SRGAP2B: variants seen among roughly 807,000 people sequenced by gnomAD.
The protein encoded by SRGAP2B is SLIT-ROBO Rho GTPase-activating protein 2B.
In SRGAP2B, 9 loss-of-function variants were observed where a neutral mutation model predicts 22.2. That is an observed-to-expected ratio of 0.41 (90% confidence interval 0.24 to 0.71). The LOEUF is 0.71. Ranked by LOEUF, SRGAP2B falls within the 30% of genes least tolerant of loss-of-function variation. The pLI is 0.35. For synonymous variants in SRGAP2B, 36 were observed against 87.4 expected (o/e 0.41, Z 3.28); for missense variants, 114 against 235.8 (o/e 0.48, Z 3.38).
At chr1:145,031,846 CAAAAAAAAAA>C (rs1210654407) in intron 2 of SRGAP2B, among the ~76,000 whole-genome samples, 2 of 51,696 alleles carry the variant, frequency 3.9e-5, no homozygotes, top group Non-Finnish European at 7.3e-5. Context: ...GACTCCGTCT[CAAAAAAAAAA>C]AAAAAAAAAA....
chr1:145,041,475 G>A (rs1243456114), intron 2 of SRGAP2B, among the ~76,000 whole-genome samples: 2 of 134,682 alleles, frequency 1.5e-5, no homozygotes, highest in Admixed American at 7.4e-5. Context: ...AAACAAGAGT[G>A]AGACCCCATC....
chr1:144,925,549 T>C (rs587739219), intron 4 of SRGAP2B, among the ~76,000 whole-genome samples: 2,476 of 131,168 alleles, frequency 0.019, 88 homozygotes, highest in African/African-American at 0.08. Context: ...GAGGCTGAGG[T>C]GGGAGAACTG....
rs1239095757 is a variant in SRGAP2B at position 145,045,376 on chromosome 1, A to G, written c.67+47459T>C. On this transcript the variant is annotated intron_variant, in intron 2 of 9. Transcript: ENST00000612199. ...AGGAAGTGAGGGAGGGAGGAAAGAA[A>G]ATAAGAAAAGAAAAGAGAAAAGAAT... Among the ~76,000 whole-genome samples, 5 of 145,178 alleles carry G rather than the reference A, an allele frequency of 3.4e-5. No individual in the cohort carries two copies. The East Asian group carries it at 9.9e-4, about 29-fold the overall frequency.
intron 5 of SRGAP2B, among the ~76,000 whole-genome samples, chr1:144,907,144 T>C (rs1489676661): frequency 6.8e-6 from 1 of 148,022 alleles, no homozygotes; most frequent in Non-Finnish European, 1.5e-5. Context: ...TGTGCGTGTG[T>C]GTGTGTGTGT....
chr1:144,966,945 C>T, intron 3 of SRGAP2B, among the ~76,000 whole-genome samples: 1 of 142,518 alleles, frequency 7.0e-6, no homozygotes, highest in Non-Finnish European at 1.5e-5. Context: ...AGCTAACTAT[C>T]CTAAATATAT....
intron 2 of SRGAP2B, among the ~76,000 whole-genome samples, chr1:145,044,187 G>GAT (rs1649481961): frequency 8.0e-6 from 1 of 125,546 alleles, no homozygotes; most frequent in Non-Finnish European, 1.6e-5. Context: ...TATGGTGCAG[G>GAT]ATATAGATCC....
At chr1:145,063,548 AGGCGGCTGAGATTTCCT>A (rs1369070316) in intron 2 of SRGAP2B, among the ~76,000 whole-genome samples, 1 of 149,508 alleles carries the variant, frequency 6.7e-6, no homozygotes, top group Non-Finnish European at 1.5e-5. Flanking sequence ...CCCATGGGCT[AGGCGGCTGAGATTTCCT>A]GTAGAAAGGG....
intron 2 of SRGAP2B, among the ~76,000 whole-genome samples, chr1:145,003,819 T>C (rs1444745835): frequency 5.3e-5 from 8 of 151,490 alleles, no homozygotes; most frequent in African/African-American, 1.7e-4. Flanking sequence ...GAGTGGAAAA[T>C]CCCTGCACAT....
At chr1:145,027,011 A>ATTT (rs4058418) in intron 2 of SRGAP2B, among the ~76,000 whole-genome samples, 7 of 66,894 alleles carry the variant, frequency 1.0e-4, no homozygotes, top group South Asian at 5.1e-4. Context: ...GCTTTTTTTA[A>ATTT]TTTTTTTTTT....
At chr1:145,009,176 CAAA>C (rs375032281) in intron 2 of SRGAP2B, among the ~76,000 whole-genome samples, 1 of 59,456 alleles carries the variant, frequency 1.7e-5, no homozygotes, top group Non-Finnish European at 3.9e-5. Flanking sequence ...GACTCCGTCT[CAAA>C]AAAAAAAAAA....
intron 3 of SRGAP2B, among the ~76,000 whole-genome samples, chr1:144,985,500 AT>A (rs1485199366): frequency 6.6e-6 from 1 of 151,116 alleles, no homozygotes. Flanking sequence ...CAGCAAGTCT[AT>A]TTAAAAAAAA....
chr1:144,940,345 G>A lies in SRGAP2B; in HGVS notation c.423+15094C>T, dbSNP rs1231726978. ...AGGAAGAAAAAGGGAAAGCAGCAGG[G>A]GGAAAAACCCTCTCTCCTTACCTTA... On this transcript the variant is annotated intron_variant, in intron 4 of 9. Transcript: ENST00000612199. Among the ~76,000 whole-genome samples the A allele has an allele frequency of 1.0e-4, 13 of 129,062 alleles. 1 individual carries two copies. The highest frequency in any genetic ancestry group is 6.3e-4 in the Admixed American group (8 of 12,690). The allele number at this position is 129,062 out of a possible 152,430, so 84.7% of individuals were successfully genotyped here.
intron 2 of SRGAP2B, among the ~76,000 whole-genome samples, chr1:144,997,657 G>A (rs1451136068): frequency 6.8e-6 from 1 of 147,734 alleles, no homozygotes; most frequent in Non-Finnish European, 1.5e-5. Context: ...AAAAAGAGAG[G>A]ACAAGGCAAA....
At chr1:144,965,730 T>A (rs1471169224) in intron 3 of SRGAP2B, among the ~76,000 whole-genome samples, 11 of 138,004 alleles carry the variant, frequency 8.0e-5, no homozygotes, top group Non-Finnish European at 1.4e-4. Flanking sequence ...GCAAAGAAGT[T>A]GAAAACTTTG....
chr1:144,951,164 GTTT>G (rs1666828717), intron 4 of SRGAP2B, among the ~76,000 whole-genome samples: 1 of 149,296 alleles, frequency 6.7e-6, no homozygotes, highest in Non-Finnish European at 1.5e-5. Flanking sequence ...TTTGTTTTTT[GTTT>G]TTTGTTTTTT....
At chr1:144,988,638 C>A (rs1669934951) in intron 3 of SRGAP2B, among the ~76,000 whole-genome samples, 1 of 143,624 alleles carries the variant, frequency 7.0e-6, no homozygotes, top group East Asian at 2.1e-4. Flanking sequence ...TCTCCTCTTT[C>A]TCTTCCCTGA....
intron 3 of SRGAP2B, among the ~76,000 whole-genome samples, chr1:144,993,028 G>A (rs2102142652): frequency 6.6e-6 from 1 of 151,610 alleles, no homozygotes; most frequent in South Asian, 2.1e-4. Context: ...CCTGGAACAG[G>A]GAGCACCTGA....
At chr1:145,089,282 T>C (rs1653749309) in intron 2 of SRGAP2B, among the ~76,000 whole-genome samples, 1 of 150,640 alleles carries the variant, frequency 6.6e-6, no homozygotes, top group Admixed American at 6.6e-5. Context: ...AGGCATGAAC[T>C]TTCCAAGGAA....
At chr1:144,955,085 A>C (rs1337919318) in intron 4 of SRGAP2B, among the ~76,000 whole-genome samples, 1 of 150,294 alleles carries the variant, frequency 6.7e-6, no homozygotes, top group African/African-American at 2.5e-5. Flanking sequence ...CCCTGGGTTT[A>C]TACCTTGCAA....
Sources: gnomAD v4.1 joint callset for allele counts (sites outside exome capture counted in the v4.1 genomes callset) on GRCh38, gnomAD v4.1.1 for gene constraint, MANE v1.5 for transcripts, NCBI Gene and HGNC (gene_info 2026-07-23, HGNC 2026-07-21) for gene names.